CPA6: variants seen among roughly 807,000 people sequenced by gnomAD.
CPA6 encodes the protein carboxypeptidase A6.
A neutral mutation model predicts 63.3 loss-of-function variants in CPA6; 58 were observed. The ratio of observed to expected loss-of-function variants is 0.92; its 90% CI spans 0.74 to 1.14. The LOEUF (loss-of-function observed/expected upper bound fraction) is 1.14. Ranked by LOEUF, CPA6 falls within the 50% of genes most tolerant of loss-of-function variation. The pLI is 0.00. For synonymous variants in CPA6, 185 were observed against 179.0 expected, an observed-to-expected ratio of 1.03 and a Z score of -0.27; for missense variants, 565 against 526.6, an observed-to-expected ratio of 1.07 and a Z score of -0.71.
chr8:67,618,046 C>T (rs1011367677), intron 2 of CPA6, among the ~76,000 whole-genome samples: 1 of 152,166 alleles, frequency 6.6e-6, no homozygotes, highest in Non-Finnish European at 1.5e-5. Flanking sequence ...GGCAATCTCC[C>T]TATTTTGAGG....
At chr8:67,458,973 G>T (rs1401879572) in intron 8 of CPA6, among the ~76,000 whole-genome samples, 1 of 152,208 alleles carries the variant, frequency 6.6e-6, no homozygotes, top group Non-Finnish European at 1.5e-5. Context: ...CACTTTGAAA[G>T]AGAGTTTGGC....
chr8:67,630,110 A>AAATAATAATAATAAT (rs61666997), intron 1 of CPA6, among the ~76,000 whole-genome samples: 5,447 of 144,802 alleles, frequency 0.038, 239 homozygotes, highest in African/African-American at 0.11. Flanking sequence ...GTCTCAATTA[A>AAATAATAATAATAAT]AATAATAATA....
intron 8 of CPA6, among the ~76,000 whole-genome samples, chr8:67,475,867 CTTTCTTTCTTTCTCCTTT>C (rs1563967868): frequency 1.4e-3 from 118 of 83,284 alleles, no homozygotes; most frequent in Admixed American, 2.5e-3. Context: ...TTCTTTCTTT[CTTTCTTTCTTTCTCCTTT>C]CTTTCTTTCT....
intron 1 of CPA6, among the ~76,000 whole-genome samples, chr8:67,689,108 C>T (rs1283998113): frequency 6.6e-6 from 1 of 152,008 alleles, no homozygotes; most frequent in Non-Finnish European, 1.5e-5. Flanking sequence ...GCCTCAGCTC[C>T]TCTGTGTAGC....
intron 10 of CPA6, among the ~76,000 whole-genome samples, chr8:67,425,307 T>C (rs1011248256): frequency 1.3e-5 from 2 of 152,156 alleles, no homozygotes; most frequent in African/African-American, 4.8e-5. Context: ...CAAAGCATGG[T>C]CATTTACTCA....
intron 1 of CPA6, among the ~76,000 whole-genome samples, chr8:67,736,172 TCTTTC>T (rs1481248026): frequency 6.6e-6 from 1 of 152,172 alleles, no homozygotes; most frequent in Non-Finnish European, 1.5e-5. Context: ...TTTCCTGTGG[TCTTTC>T]CTTTATCACT....
intron 2 of CPA6, among the ~76,000 whole-genome samples, chr8:67,558,569 G>A (rs992383491): frequency 5.9e-5 from 9 of 152,096 alleles, no homozygotes; most frequent in Non-Finnish European, 7.4e-5. Flanking sequence ...AACTTCTATT[G>A]TTCTAAGCCT....
chr8:67,655,049 C>T (rs1293072730), intron 1 of CPA6, among the ~76,000 whole-genome samples: 2 of 152,106 alleles, frequency 1.3e-5, no homozygotes, highest in East Asian at 1.9e-4. Context: ...TTGAATGTTA[C>T]AAGGTTACAC....
intron 6 of CPA6, among the ~76,000 whole-genome samples, chr8:67,503,550 C>T (rs1241228021): frequency 6.6e-6 from 1 of 150,876 alleles, no homozygotes; most frequent in African/African-American, 2.4e-5. Flanking sequence ...TCAAGTGATC[C>T]TCCTGCCTCG....
intron 8 of CPA6, among the ~76,000 whole-genome samples, chr8:67,440,601 A>G (rs1462661195): frequency 6.6e-6 from 1 of 152,106 alleles, no homozygotes; most frequent in Non-Finnish European, 1.5e-5. Context: ...ACATGTTCTG[A>G]GAAATACATC....
chr8:67,595,886 C>T (rs1814318822), intron 2 of CPA6, among the ~76,000 whole-genome samples: 1 of 152,172 alleles, frequency 6.6e-6, no homozygotes, highest in Admixed American at 6.5e-5. Flanking sequence ...GTGTGCTGCA[C>T]CCACTGTCCT....
At chr8:67,457,883 C>T (rs996912624) in intron 8 of CPA6, among the ~76,000 whole-genome samples, 4 of 152,174 alleles carry the variant, frequency 2.6e-5, no homozygotes, top group South Asian at 2.1e-4. Context: ...ATCTCTTTGC[C>T]TTTGTTCCCG....
chr8:67,448,462 C>G (rs1034799610), intron 8 of CPA6, among the ~76,000 whole-genome samples: 9 of 151,082 alleles, frequency 6.0e-5, no homozygotes, highest in African/African-American at 2.2e-4. Flanking sequence ...AAAACCAAGT[C>G]TCTGCTAAAA....
chr8:67,552,713 C>G (rs769812898), intron 2 of CPA6, among the ~76,000 whole-genome samples: 1 of 127,350 alleles, frequency 7.9e-6, no homozygotes, highest in Non-Finnish European at 1.6e-5. Context: ...GCAGAGCTTG[C>G]ATGCAGTGAA....
At chr8:67,565,614 T>C (rs905327883) in intron 2 of CPA6, among the ~76,000 whole-genome samples, 4 of 152,188 alleles carry the variant, frequency 2.6e-5, no homozygotes, top group Non-Finnish European at 5.9e-5. Context: ...TTCTTTCACT[T>C]CTTACAGGAT....
At chr8:67,562,482 A>G (rs1813235687) in intron 2 of CPA6, among the ~76,000 whole-genome samples, 2 of 152,156 alleles carry the variant, frequency 1.3e-5, no homozygotes, top group Admixed American at 6.5e-5. Flanking sequence ...GCTATTACCA[A>G]TGCAGCTCCT....
At chr8:67,573,050 A>G (rs867194262) in intron 2 of CPA6, among the ~76,000 whole-genome samples, 2 of 152,254 alleles carry the variant, frequency 1.3e-5, no homozygotes, top group Admixed American at 6.5e-5. Context: ...AATGCAAAAA[A>G]TGCATTTGAC....
At chr8:67,507,665 G>A (rs1412075240) in intron 5 of CPA6, among the ~76,000 whole-genome samples, 1 of 152,122 alleles carries the variant, frequency 6.6e-6, no homozygotes, top group Non-Finnish European at 1.5e-5. Flanking sequence ...TTATACACTA[G>A]TGGAGAGGGC....
intron 2 of CPA6, among the ~76,000 whole-genome samples, chr8:67,610,217 A>C (rs573968106): frequency 2.6e-5 from 4 of 151,994 alleles, no homozygotes; most frequent in Non-Finnish European, 4.4e-5. Context: ...TCTACAAAAA[A>C]CTTTTTAGAA....
Sources: gnomAD v4.1 joint callset for allele counts (sites outside exome capture counted in the v4.1 genomes callset) on GRCh38, gnomAD v4.1.1 for gene constraint, MANE v1.5 for transcripts, NCBI Gene and HGNC (gene_info 2026-07-23, HGNC 2026-07-21) for gene names.